Variants in CPVL observed in about 807,000 individuals in gnomAD.
CPVL encodes probable serine carboxypeptidase CPVL.
CPVL carries 51 observed loss-of-function variants against 63.7 expected under a neutral mutation model. The observed-to-expected ratio is 0.80, with a 90% CI of 0.64 to 1.01. The LOEUF is 1.01. CPVL is among the 50% of genes least tolerant of loss of function. The pLI, the probability that CPVL is intolerant of heterozygous loss-of-function variation, is 0.00. For missense variants in CPVL, 530 were observed against 573.1 expected, an observed-to-expected ratio of 0.92 and a Z score of 0.77; for synonymous variants, 195 against 206.0, an observed-to-expected ratio of 0.95 and a Z score of 0.46.
intron 5 of CPVL, among the ~76,000 whole-genome samples, chr7:29,171,592 C>G (rs936036240): frequency 1.3e-5 from 2 of 152,150 alleles, no homozygotes; most frequent in Non-Finnish European, 2.9e-5. Flanking sequence ...ACCGGAAAGA[C>G]AAACTCTAAT....
chr7:29,051,272 G>A (rs1790130098), intron 11 of CPVL, among the ~76,000 whole-genome samples: 1 of 152,198 alleles, frequency 6.6e-6, no homozygotes. Context: ...AAACAAAAGA[G>A]CTTTTGCACG....
chr7:29,010,494 TTAGGC>T (rs1036952954), intron 12 of CPVL: 1 of 152,208 alleles, frequency 6.6e-6, no homozygotes, highest in Admixed American at 6.5e-5. Context: ...TTATTTCCTA[TTAGGC>T]TGTCATATAG....
chr7:29,143,640 G>A (rs1584388683), intron 1 of CPVL, among the ~76,000 whole-genome samples: 1 of 151,438 alleles, frequency 6.6e-6, no homozygotes, highest in East Asian at 1.9e-4. Flanking sequence ...AGGGTTCAAA[G>A]TAAATATTTT....
chr7:29,181,278 G>A (rs1798025755), intron 5 of CPVL: 1 of 152,152 alleles, frequency 6.6e-6, no homozygotes, highest in Non-Finnish European at 1.5e-5. Flanking sequence ...TACTCCAGCA[G>A]GCGTTACTCA....
chr7:29,018,316 TA>T (rs970477203), intron 12 of CPVL, among the ~76,000 whole-genome samples: 540 of 143,304 alleles, frequency 3.8e-3, no homozygotes, highest in African/African-American at 0.011. Flanking sequence ...ACATTTATTC[TA>T]AAAAAAAAAA....
At chr7:29,062,563 T>C (rs1448412916) in intron 11 of CPVL, among the ~76,000 whole-genome samples, 1 of 152,226 alleles carries the variant, frequency 6.6e-6, no homozygotes, top group Non-Finnish European at 1.5e-5. Flanking sequence ...TGTCCAACAC[T>C]GTACTAGAAG....
intron 7 of CPVL, among the ~76,000 whole-genome samples, chr7:29,083,993 T>C (rs896824910): frequency 1.3e-5 from 2 of 152,160 alleles, no homozygotes; most frequent in Non-Finnish European, 2.9e-5. Context: ...GTGCCTTTCA[T>C]CTGTATTGTA....
intron 5 of CPVL, among the ~76,000 whole-genome samples, chr7:29,158,465 G>C (rs138160081): frequency 6.6e-5 from 10 of 152,310 alleles, no homozygotes; most frequent in African/African-American, 2.2e-4. Flanking sequence ...AGTGGGGATA[G>C]CTGAATCCTG....
intron 5 of CPVL, among the ~76,000 whole-genome samples, chr7:29,180,863 T>C (rs185870135): frequency 3.9e-4 from 60 of 152,266 alleles, no homozygotes; most frequent in African/African-American, 1.3e-3. Flanking sequence ...ATTTGTAATA[T>C]GGAGATAATA....
intron 11 of CPVL, among the ~76,000 whole-genome samples, chr7:29,042,305 A>T (rs929843576): frequency 1.2e-4 from 19 of 152,100 alleles, no homozygotes; most frequent in Non-Finnish European, 2.6e-4. Context: ...CTTAAGTTCA[A>T]AATATAATAG....
chr7:29,007,695 C>G (rs1312594215), intron 12 of CPVL, among the ~76,000 whole-genome samples: 3 of 152,092 alleles, frequency 2.0e-5, no homozygotes, highest in Non-Finnish European at 2.9e-5. Context: ...CTCCAAGACA[C>G]TTTGGTGTGT....
rs70977102 is a variant in CPVL at position 29,069,770 on chromosome 7, ATGTGTGTGTGTGTGTGTGTGTGTG to A, written c.864+1979_864+2002del. Among the ~76,000 whole-genome samples, 806 of 132,340 alleles carry A rather than the reference ATGTGTGTGTGTGTGTGTGTGTGTG, an allele frequency of 6.1e-3. 1 individual carries two copies. The highest frequency in any genetic ancestry group is 8.6e-3 in the Non-Finnish European group (537 of 62,772). 86.8% of individuals were successfully genotyped at this position (132,340 alleles called of 152,430 possible). A position where few individuals can be genotyped will look rare whatever the true frequency, so the allele number is the denominator to read the frequency against. On this transcript the variant is annotated intron_variant, in intron 9 of 12. Transcript: ENST00000265394. ...CGGCATCCTCTCCACTCACCAGTAAATGTGTGTGTGTGTGTGTGTGTGTGTGTGTGTGTGTGTGTGTGTGTGTGT... is the reference window on the plus strand; with the variant it reads ...CGGCATCCTCTCCACTCACCAGTAAATGTGTGTGTGTGTGTGTGTGTGTGT...
At chr7:29,013,768 C>T (rs1786098437) in intron 12 of CPVL, among the ~76,000 whole-genome samples, 1 of 152,268 alleles carries the variant, frequency 6.6e-6, no homozygotes, top group African/African-American at 2.4e-5. Flanking sequence ...ATTCAGCAGA[C>T]AGCCCCCAGC....
chr7:29,076,647 T>G (rs1475938233), intron 7 of CPVL, among the ~76,000 whole-genome samples: 3 of 152,240 alleles, frequency 2.0e-5, no homozygotes, highest in African/African-American at 7.2e-5. Flanking sequence ...TTTCCAGCAC[T>G]GCTCTTACTT....
intron 6 of CPVL, 29 bp downstream of exon 6, chr7:29,092,594 A>G (rs1424964940): frequency 1.3e-6 from 2 of 1,531,414 alleles, no homozygotes; most frequent in Admixed American, 3.4e-5. Flanking sequence ...TGGTCTTAGG[A>G]AAGCCAAGAG....
chr7:29,085,610 A>C (rs1201568176), intron 7 of CPVL, among the ~76,000 whole-genome samples: 2 of 152,214 alleles, frequency 1.3e-5, no homozygotes. Context: ...TTGAGGAAAC[A>C]GTGTTTGAAT....
intron 7 of CPVL, among the ~76,000 whole-genome samples, chr7:29,083,194 A>T (rs1188156293): frequency 6.6e-6 from 1 of 152,336 alleles, no homozygotes; most frequent in Non-Finnish European, 1.5e-5. Context: ...TGCCATTCCC[A>T]TGGAAAAACT....
intron 3 of CPVL, among the ~76,000 whole-genome samples, chr7:29,099,767 T>A (rs1235811194): frequency 1.3e-5 from 2 of 152,196 alleles, no homozygotes; most frequent in Non-Finnish European, 2.9e-5. Context: ...GACAGCCTTT[T>A]TAAGCTGCTG....
At chr7:29,173,117 C>G in intron 5 of CPVL, among the ~76,000 whole-genome samples, 1 of 123,894 alleles carries the variant, frequency 8.1e-6, no homozygotes, top group African/African-American at 3.2e-5. Context: ...GGTGACAGAG[C>G]AAGACTCTGT....
Sources: gnomAD v4.1 joint callset for allele counts (sites outside exome capture counted in the v4.1 genomes callset) on GRCh38, gnomAD v4.1.1 for gene constraint, MANE v1.5 for transcripts, NCBI Gene and HGNC (gene_info 2026-07-23, HGNC 2026-07-21) for gene names.